MACROD2: variants seen among roughly 807,000 people sequenced by gnomAD.
MACROD2 encodes ADP-ribose glycohydrolase MACROD2.
MACROD2 carries 36 observed loss-of-function variants against 70.4 expected under a neutral mutation model. The observed-to-expected ratio is 0.51, with a 90% CI of 0.39 to 0.68. MACROD2 has a LOEUF of 0.68. Ranked by LOEUF, MACROD2 falls within the 30% of genes least tolerant of loss-of-function variation. The pLI is 0.00. For missense variants in MACROD2, 496 were observed against 538.4 expected (o/e 0.92, Z 0.78); for synonymous variants, 172 against 178.8 (o/e 0.96, Z 0.30).
chr20:14,872,502 G>T (rs886397925), intron 5 of MACROD2, among the ~76,000 whole-genome samples: 2 of 152,062 alleles, frequency 1.3e-5, no homozygotes, highest in African/African-American at 4.8e-5. Context: ...TCAGTAATCA[G>T]AGAGTCATCA....
intron 1 of MACROD2, among the ~76,000 whole-genome samples, chr20:13,999,215 C>G (rs966433934): frequency 6.6e-6 from 1 of 152,184 alleles, no homozygotes; most frequent in Non-Finnish European, 1.5e-5. Context: ...TCAGGTTCCT[C>G]TCCATTGCCT....
intron 8 of MACROD2, among the ~76,000 whole-genome samples, chr20:15,850,109 G>T (rs889704362): frequency 1.3e-5 from 2 of 152,246 alleles, no homozygotes; most frequent in Non-Finnish European, 2.9e-5. Context: ...TCTTGATTTG[G>T]ATTCTCCCAA....
intron 5 of MACROD2, among the ~76,000 whole-genome samples, chr20:15,059,761 G>C (rs1222979689): frequency 6.6e-6 from 1 of 152,184 alleles, no homozygotes; most frequent in Admixed American, 6.5e-5. Flanking sequence ...AAAGAGAACA[G>C]AATTTTTTAA....
intron 8 of MACROD2, among the ~76,000 whole-genome samples, chr20:15,529,974 G>C (rs2047775211): frequency 6.6e-6 from 1 of 152,198 alleles, no homozygotes; most frequent in Non-Finnish European, 1.5e-5. Flanking sequence ...GAAGAAATTT[G>C]AGTGAGGACA....
intron 5 of MACROD2, among the ~76,000 whole-genome samples, chr20:15,094,041 A>G (rs903780389): frequency 6.6e-6 from 1 of 152,216 alleles, no homozygotes; most frequent in East Asian, 1.9e-4. Flanking sequence ...CTTTCTGTTG[A>G]CCATTTAGTT....
chr20:14,617,348 A>G (rs1272391130), intron 4 of MACROD2, among the ~76,000 whole-genome samples: 1 of 152,078 alleles, frequency 6.6e-6, no homozygotes, highest in East Asian at 1.9e-4. Context: ...TCTTGGAGTA[A>G]TGACTCACTG....
chr20:14,527,368 C>T (rs758074242), intron 4 of MACROD2, among the ~76,000 whole-genome samples: 8 of 152,154 alleles, frequency 5.3e-5, no homozygotes, highest in African/African-American at 9.7e-5. Flanking sequence ...TAGGTCCATA[C>T]GGGTGGAACC....
chr20:15,696,969 G>C (rs1269237487), intron 8 of MACROD2, among the ~76,000 whole-genome samples: 1 of 151,732 alleles, frequency 6.6e-6, no homozygotes, highest in Admixed American at 6.6e-5. Flanking sequence ...TCTTGCTAAT[G>C]GTCTATCAAT....
chr20:15,787,756 A>G (rs1452295525), intron 8 of MACROD2, among the ~76,000 whole-genome samples: 2 of 152,146 alleles, frequency 1.3e-5, no homozygotes, highest in Non-Finnish European at 2.9e-5. Context: ...AGAAAATAAA[A>G]TTTTTGTGCT....
chr20:15,882,382 T>C (rs1310884865), intron 9 of MACROD2, among the ~76,000 whole-genome samples: 2 of 152,112 alleles, frequency 1.3e-5, no homozygotes, highest in African/African-American at 4.8e-5. Context: ...TTGTAAATTA[T>C]TCTCTTTGGA....
chr20:14,068,576 A>C (rs2148659707), intron 2 of MACROD2, among the ~76,000 whole-genome samples: 1 of 152,292 alleles, frequency 6.6e-6, no homozygotes, highest in East Asian at 1.9e-4. Context: ...CATTCATAGG[A>C]AGTTTTATGA....
intron 9 of MACROD2, among the ~76,000 whole-genome samples, chr20:15,882,421 A>G (rs1422605790): frequency 6.6e-6 from 1 of 152,130 alleles, no homozygotes; most frequent in African/African-American, 2.4e-5. Flanking sequence ...GGCAGGCATT[A>G]TCTTGTGAAA....
At chr20:14,396,165 A>G (rs1481955964) in intron 3 of MACROD2, among the ~76,000 whole-genome samples, 2 of 152,216 alleles carry the variant, frequency 1.3e-5, no homozygotes, top group Non-Finnish European at 2.9e-5. Flanking sequence ...TTGTCTTGGT[A>G]AATGTTCCAT....
At chr20:14,514,778 AT>A (rs1464949375) in intron 4 of MACROD2, among the ~76,000 whole-genome samples, 1 of 152,050 alleles carries the variant, frequency 6.6e-6, no homozygotes, top group Non-Finnish European at 1.5e-5. Flanking sequence ...CTAGGATACA[AT>A]GGATGCCTTC....
At chr20:15,128,947 T>C (rs1334913198) in intron 5 of MACROD2, among the ~76,000 whole-genome samples, 3 of 152,148 alleles carry the variant, frequency 2.0e-5, no homozygotes, top group East Asian at 3.9e-4. Context: ...TCATTTATAC[T>C]CATTTTAATG....
chr20:15,560,124 G>A (rs4813185), intron 8 of MACROD2, among the ~76,000 whole-genome samples: 37,072 of 152,024 alleles, frequency 0.24, 4,892 homozygotes, highest in East Asian at 0.47. Flanking sequence ...TAGTTTAAAA[G>A]GGCAACCATG....
chr20:15,152,437 C>T (rs547788621), intron 5 of MACROD2, among the ~76,000 whole-genome samples: 10 of 117,938 alleles, frequency 8.5e-5, no homozygotes, highest in African/African-American at 2.3e-4. Context: ...GGTTGGGGCA[C>T]AGAGATAAGA....
chr20:15,548,358 C>T (rs1475254221), intron 8 of MACROD2, among the ~76,000 whole-genome samples: 2 of 152,054 alleles, frequency 1.3e-5, no homozygotes, highest in Non-Finnish European at 2.9e-5. Context: ...GTTCCCTCCC[C>T]TTGAATCGGG....
intron 15 of MACROD2, among the ~76,000 whole-genome samples, chr20:16,007,618 A>T (rs553195249): frequency 1.3e-5 from 2 of 152,302 alleles, no homozygotes; most frequent in Non-Finnish European, 1.5e-5. Flanking sequence ...ATATTTAAAA[A>T]TTTTTTCAAA....
Sources: allele counts gnomAD v4.1 joint callset (sites outside exome capture counted in the v4.1 genomes callset), GRCh38; gene constraint gnomAD v4.1.1; transcripts MANE v1.5; gene names NCBI Gene and HGNC (gene_info 2026-07-23, HGNC 2026-07-21).